CAP2: variants seen among roughly 807,000 people sequenced by gnomAD.
CAP2 encodes the protein cyclase associated actin cytoskeleton regulatory protein 2, also known as adenylyl cyclase-associated protein 2.
CAP2 carries 24 observed loss-of-function variants against 57.7 expected under a neutral mutation model. The ratio of observed to expected loss-of-function variants is 0.42; its 90% confidence interval spans 0.30 to 0.58. The LOEUF (loss-of-function observed/expected upper bound fraction) is 0.58. CAP2 is among the 20% of genes least tolerant of loss of function. The pLI, the probability that CAP2 is intolerant of heterozygous loss-of-function variation, is 0.22. For missense variants in CAP2, 501 were observed against 590.3 expected, an observed-to-expected ratio of 0.85 and a Z score of 1.57; for synonymous variants, 194 against 207.2, an observed-to-expected ratio of 0.94 and a Z score of 0.55.
Position 17,432,633 on chromosome 6 carries a change from A to G in CAP2, c.222+5943A>G, listed in dbSNP as rs116805853. 2.8e-3 allele frequency among the ~76,000 whole-genome samples: 430 copies of G among 152,238 alleles called. 3 individuals are homozygous for G. The highest frequency in any genetic ancestry group is 9.9e-3 in the African/African-American group (413 of 41,534). ...CTTTAAATGGGGCATCTTCTTTCTT[A>G]CTGGCTTAGCCATTAATGATAGCCA... On this transcript the variant is annotated intron_variant, in intron 3 of 12. Coordinates refer to ENST00000229922, the MANE Select transcript of CAP2 (RefSeq NM_006366.3).
chr6:17,503,912 G>A (rs1471922000), intron 4 of CAP2, among the ~76,000 whole-genome samples: 1 of 152,150 alleles, frequency 6.6e-6, no homozygotes, highest in Non-Finnish European at 1.5e-5. Context: ...GATATTCATG[G>A]CTTTTCCACA....
chr6:17,510,951 G>A (rs1037460533), intron 6 of CAP2, among the ~76,000 whole-genome samples: 1 of 152,216 alleles, frequency 6.6e-6, no homozygotes, highest in Non-Finnish European at 1.5e-5. Context: ...GTTCTCCCCA[G>A]GTAGCAGCAT....
chr6:17,510,038 A>G (rs1212993862), intron 6 of CAP2, among the ~76,000 whole-genome samples: 1 of 152,218 alleles, frequency 6.6e-6, no homozygotes, highest in East Asian at 1.9e-4. Flanking sequence ...AGTCAAATCT[A>G]TAGAAAGAGA....
intron 2 of CAP2, among the ~76,000 whole-genome samples, chr6:17,423,073 C>G (rs777264192): frequency 5.3e-5 from 8 of 152,204 alleles, no homozygotes; most frequent in Non-Finnish European, 1.2e-4. Context: ...TCCTCCTTAT[C>G]TGACCCATAC....
At chr6:17,496,418 A>T (rs1250183933) in intron 4 of CAP2, among the ~76,000 whole-genome samples, 1 of 152,216 alleles carries the variant, frequency 6.6e-6, no homozygotes, top group Non-Finnish European at 1.5e-5. Context: ...ACCAGGAAGC[A>T]CGGCTCATGT....
rs1437141439 is a variant in CAP2, at chr6:17,513,315, T to C, written c.531-534T>C. Among the ~76,000 whole-genome samples the C allele has an allele frequency of 1.3e-5, 2 of 152,168 alleles. No individual in the cohort carries two copies. Among genetic ancestry groups the C allele is most frequent in the African/African-American group, 2.4e-5 (1 of 41,446 alleles). ...TGTTACCTGTTTGTAAGAGATCAAT[T>C]TTCTTCCTATACCAACTTCTTTGTC... On this transcript the variant is annotated intron_variant, in intron 6 of 12. Coordinates refer to ENST00000229922, the MANE Select transcript of CAP2 (RefSeq NM_006366.3). The surrounding 1 kb of genome is among the most constrained non-coding windows in gnomAD (Gnocchi z 4.3).
intron 3 of CAP2, among the ~76,000 whole-genome samples, chr6:17,445,682 T>C (rs1351715199): frequency 1.3e-5 from 2 of 152,172 alleles, no homozygotes; most frequent in African/African-American, 4.8e-5. Context: ...AAGTGAAAAA[T>C]TCAGTTGATT....
At chr6:17,452,550 G>T (rs1760439797) in intron 3 of CAP2, among the ~76,000 whole-genome samples, 1 of 152,128 alleles carries the variant, frequency 6.6e-6, no homozygotes, top group Non-Finnish European at 1.5e-5. Flanking sequence ...CACAAAGGGG[G>T]CAGTTTGGAT....
chr6:17,495,201 C>T (rs185871666), intron 4 of CAP2, among the ~76,000 whole-genome samples: 1 of 152,252 alleles, frequency 6.6e-6, no homozygotes. Flanking sequence ...GCCACTTAAA[C>T]AAAAGAGGGC....
At position 17,556,601 on chromosome 6, in the gene CAP2, T is replaced by G. The variant is rs1209345816; in HGVS notation, c.*159T>G. ...ACAGCACTGTTTCTGGCACGCCTCG[T>G]GGGCATTTTGAAATATTTAACGTTT... is the stretch of plus-strand genomic sequence containing the variant. On this transcript the variant is annotated 3_prime_UTR_variant, in exon 13 of 13. Transcript: ENST00000229922. 1 of 569,932 alleles carries G rather than the reference T, an allele frequency of 1.8e-6. No individual in the cohort carries two copies. The highest frequency in any genetic ancestry group is 1.9e-5 in the African/African-American group (1 of 53,738). The allele number at this position is 569,932 out of a possible 1,614,324, so 35.3% of individuals were successfully genotyped here. A position where few individuals can be genotyped will look rare whatever the true frequency, so the allele number is the denominator to read the frequency against.
chr6:17,514,956 G>A (rs1762239033), intron 7 of CAP2, among the ~76,000 whole-genome samples: 1 of 152,194 alleles, frequency 6.6e-6, no homozygotes, highest in South Asian at 2.1e-4. Context: ...CTAGCACTTT[G>A]GGAGGCCAAG....
At chr6:17,524,074 CAA>C (rs10523029) in intron 7 of CAP2, among the ~76,000 whole-genome samples, 11,300 of 118,690 alleles carry the variant, frequency 0.095, 565 homozygotes, top group South Asian at 0.17. Context: ...GACTCTGTCT[CAA>C]AAAAAAAAAA....
rs770429730 is a variant in CAP2 at position 17,539,236 on chromosome 6, T to C, written c.637-33T>C. The C allele has an allele frequency of 2.3e-5, 37 of 1,578,164 alleles. 1 individual carries two copies. The Middle Eastern group carries it at 7.5e-4, about 32-fold the overall frequency. ...AATCCCAGCAAGGGCGCAGTCTCAA[T>C]GCAATGCAATGCCCTGTCTTCTGTC... is the stretch of plus-strand genomic sequence containing the variant. On this transcript the variant is annotated intron_variant, in intron 7 of 12. Transcript: ENST00000229922.
rs997680594 is a variant in CAP2, at chr6:17,556,904, T to A, written c.*462T>A. On this transcript the variant is annotated 3_prime_UTR_variant, in exon 13 of 13. Transcript: ENST00000229922. The stretch of plus-strand genomic sequence containing the variant: ...CCTGAAAAATGTACACGTTTTTTCT[T>A]ATTGTTACCACATGTTCACCTTTAT... 6.2e-6 allele frequency: 1 copy of A among 160,872 alleles called. No homozygotes were observed. The highest frequency in any genetic ancestry group is 2.4e-5 in the African/African-American group (1 of 41,566). 10.0% of individuals were successfully genotyped at this position (160,872 alleles called of 1,614,324 possible).
rs1162084139 is a variant in CAP2 at position 17,544,134 on chromosome 6, A to AG, written c.1209+991_1209+992insG. On this transcript the variant is annotated intron_variant, in intron 11 of 12. Coordinates refer to ENST00000229922, the MANE Select transcript of CAP2 (RefSeq NM_006366.3). The stretch of plus-strand genomic sequence containing the variant: ...AGAGAGACTCTGTCTCAAAAAAAAA[A>AG]AAAGAAAAGAAAAAAAGGACAGCTA... Among the ~76,000 whole-genome samples, 3 of 151,056 alleles carry AG rather than the reference A, an allele frequency of 2.0e-5. 1 individual carries two copies. The highest frequency in any genetic ancestry group is 4.4e-5 in the Non-Finnish European group (3 of 67,702).
intron 2 of CAP2, among the ~76,000 whole-genome samples, chr6:17,425,006 A>C (rs538179971): frequency 1.1e-4 from 17 of 152,328 alleles, no homozygotes; most frequent in African/African-American, 4.1e-4. Flanking sequence ...TGTGAACTTT[A>C]AGATAACTCA....
chr6:17,440,614 G>GGTGTGT lies in CAP2; in HGVS notation c.222+13950_222+13955dup, dbSNP rs55662495. 8.8e-3 allele frequency among the ~76,000 whole-genome samples: 1,246 copies of GGTGTGT among 141,674 alleles called. 27 individuals carry two copies. Among genetic ancestry groups the GGTGTGT allele is most frequent in the East Asian group, 0.032 (151 of 4,698 alleles). The allele number at this position is 141,674 out of a possible 152,430, so 92.9% of individuals were successfully genotyped here. ...TTTGGGCTGAAAACAAACTGTGTGT[G>GGTGTGT]GTGTGTGTGTGTGTGTGTGTGTGTG... On this transcript the variant is annotated intron_variant, in intron 3 of 12. Coordinates refer to ENST00000229922, the MANE Select transcript of CAP2 (RefSeq NM_006366.3).
chr6:17,450,077 G>C (rs1282420094), intron 3 of CAP2, among the ~76,000 whole-genome samples: 1 of 150,748 alleles, frequency 6.6e-6, no homozygotes, highest in Non-Finnish European at 1.5e-5. Flanking sequence ...TTTAAGACTG[G>C]GTCTTGCTCT....
At chr6:17,443,122 C>T (rs751516062) in intron 3 of CAP2, among the ~76,000 whole-genome samples, 10 of 152,074 alleles carry the variant, frequency 6.6e-5, no homozygotes, top group Non-Finnish European at 1.3e-4. Flanking sequence ...CATGGTGGCA[C>T]GCACCTGTAG....
Sources: allele counts gnomAD v4.1 joint callset (sites outside exome capture counted in the v4.1 genomes callset), GRCh38; gene constraint gnomAD v4.1.1; non-coding constraint Gnocchi (gnomAD v3.1); transcripts MANE v1.5; gene names NCBI Gene and HGNC (gene_info 2026-07-23, HGNC 2026-07-21).